NR2F1-AS1: variants seen among roughly 807,000 people sequenced by gnomAD.
NR2F1-AS1 encodes the protein NR2F1 regulatory antisense RNA 1, also known as NR2F1 antisense RNA 1.
At chr5:93,509,518 C>A (rs1293759699) in intron 4 of NR2F1-AS1, among the ~76,000 whole-genome samples, 1 of 151,858 alleles carries the variant, frequency 6.6e-6, no homozygotes, top group African/African-American at 2.4e-5. Context: ...TACATACAAT[C>A]AAATATATAA....
At chr5:93,490,410 CGGTGGT>C (rs1361796890) in intron 4 of NR2F1-AS1, among the ~76,000 whole-genome samples, 1 of 151,834 alleles carries the variant, frequency 6.6e-6, no homozygotes, top group Non-Finnish European at 1.5e-5. Flanking sequence ...GTGGTAATGA[CGGTGGT>C]GGTGGTGGTG....
At chr5:93,557,602 C>T (rs901382933) in intron 2 of NR2F1-AS1, among the ~76,000 whole-genome samples, 1 of 152,110 alleles carries the variant, frequency 6.6e-6, no homozygotes, top group African/African-American at 2.4e-5. Context: ...GAATGATCAT[C>T]TGAGCTTTCA....
chr5:93,469,957 T>A (rs1274922508), intron 4 of NR2F1-AS1, among the ~76,000 whole-genome samples: 1 of 152,054 alleles, frequency 6.6e-6, no homozygotes, highest in East Asian at 1.9e-4. Context: ...TAGTACAACA[T>A]ATTTATCAAA....
At chr5:93,464,192 T>A (rs1750167448) in intron 4 of NR2F1-AS1, among the ~76,000 whole-genome samples, 1 of 152,210 alleles carries the variant, frequency 6.6e-6, no homozygotes, top group African/African-American at 2.4e-5. Flanking sequence ...GTTCTCATGA[T>A]ACTGAATAAG....
chr5:93,414,251 T>G (rs1247375256), intron 4 of NR2F1-AS1, among the ~76,000 whole-genome samples: 1 of 152,202 alleles, frequency 6.6e-6, no homozygotes, highest in Non-Finnish European at 1.5e-5. Context: ...AACAATGTTT[T>G]TGTTAGCATG....
intron 4 of NR2F1-AS1, among the ~76,000 whole-genome samples, chr5:93,425,035 T>G (rs1749166068): frequency 6.6e-6 from 1 of 152,236 alleles, no homozygotes; most frequent in African/African-American, 2.4e-5. Flanking sequence ...TACATATAAA[T>G]TCTGTGTATC....
intron 4 of NR2F1-AS1, among the ~76,000 whole-genome samples, chr5:93,550,576 T>C (rs1392474330): frequency 1.3e-5 from 2 of 152,248 alleles, no homozygotes; most frequent in South Asian, 2.1e-4. Flanking sequence ...AGGCAGCCTA[T>C]AGAACTGATA....
intron 4 of NR2F1-AS1, among the ~76,000 whole-genome samples, chr5:93,428,945 A>T (rs1411296782): frequency 6.6e-6 from 1 of 152,184 alleles, no homozygotes; most frequent in African/African-American, 2.4e-5. Flanking sequence ...ATGTCCATTA[A>T]ATTGGAAGCC....
At chr5:93,513,326 A>G (rs765699076) in intron 4 of NR2F1-AS1, among the ~76,000 whole-genome samples, 2 of 152,182 alleles carry the variant, frequency 1.3e-5, no homozygotes, top group African/African-American at 2.4e-5. Context: ...TATATCCAGA[A>G]GAAAATAAAC....
At chr5:93,573,345 G>A (rs1035330656) in intron 1 of NR2F1-AS1, among the ~76,000 whole-genome samples, 1 of 152,186 alleles carries the variant, frequency 6.6e-6, no homozygotes, top group Non-Finnish European at 1.5e-5. Flanking sequence ...TATGGAATTA[G>A]GGAATTCGGG....
At chr5:93,451,158 T>A (rs1748839380) in intron 4 of NR2F1-AS1, among the ~76,000 whole-genome samples, 1 of 152,022 alleles carries the variant, frequency 6.6e-6, no homozygotes, top group Admixed American at 6.6e-5. Flanking sequence ...ACCCCAGGTA[T>A]TTTTAAAGTA....
chr5:93,448,550 A>G (rs759413549), intron 4 of NR2F1-AS1, among the ~76,000 whole-genome samples: 17 of 152,344 alleles, frequency 1.1e-4, no homozygotes, highest in Non-Finnish European at 2.1e-4. Context: ...CCAACTCTCT[A>G]TAACTACCTG....
At chr5:93,509,006 A>C (rs751632864) in intron 4 of NR2F1-AS1, among the ~76,000 whole-genome samples, 5 of 152,148 alleles carry the variant, frequency 3.3e-5, no homozygotes, top group Admixed American at 6.6e-5. Context: ...CACCCTAAAG[A>C]AACTTTTACA....
At chr5:93,481,308 A>T (rs1274294541) in intron 4 of NR2F1-AS1, among the ~76,000 whole-genome samples, 1 of 152,106 alleles carries the variant, frequency 6.6e-6, no homozygotes, top group African/African-American at 2.4e-5. Flanking sequence ...GGATCCATTC[A>T]TCAATATGAT....
intron 4 of NR2F1-AS1, among the ~76,000 whole-genome samples, chr5:93,439,561 T>TG (rs1410115673): frequency 4.6e-5 from 7 of 152,254 alleles, no homozygotes; most frequent in Non-Finnish European, 8.8e-5. Context: ...CCCAAAGTGC[T>TG]GGGATTACAG....
chr5:93,443,347 A>T (rs1191746424), intron 4 of NR2F1-AS1, among the ~76,000 whole-genome samples: 1 of 152,124 alleles, frequency 6.6e-6, no homozygotes, highest in Non-Finnish European at 1.5e-5. Context: ...CATAGAGAAG[A>T]CCCTAAATGA....
rs556157611 is a variant in NR2F1-AS1, at chr5:93,550,441, T to C, written n.638+3320A>G. Among the ~76,000 whole-genome samples, 274 of 152,348 alleles carry C rather than the reference T, an allele frequency of 1.8e-3. 1 individual carries two copies. The highest frequency in any genetic ancestry group is 3.5e-3 in the Non-Finnish European group (237 of 68,036). Reference sequence around the variant, plus strand: ...ATGGCCTCATTGCAAATTGGGTATTTAGGGAAAACTACATTTCCTTCCAAG... The same window carrying C: ...ATGGCCTCATTGCAAATTGGGTATTCAGGGAAAACTACATTTCCTTCCAAG... On this transcript the variant is annotated intron_variant and non_coding_transcript_variant, in intron 4 of 5. Coordinates refer to ENST00000660523, the Ensembl canonical transcript of NR2F1-AS1.
chr5:93,423,973 C>G (rs1055950286), intron 4 of NR2F1-AS1, among the ~76,000 whole-genome samples: 1 of 152,084 alleles, frequency 6.6e-6, no homozygotes, highest in African/African-American at 2.4e-5. Flanking sequence ...GATTGAGGAG[C>G]AGTATAGCAA....
chr5:93,557,596 G>C (rs1330661839), intron 2 of NR2F1-AS1, among the ~76,000 whole-genome samples: 2 of 152,104 alleles, frequency 1.3e-5, no homozygotes, highest in Admixed American at 1.3e-4. Context: ...AAATGTGAAT[G>C]ATCATCTGAG....
Sources: allele counts gnomAD v4.1 joint callset (sites outside exome capture counted in the v4.1 genomes callset), GRCh38; gene constraint gnomAD v4.1.1; transcripts MANE v1.5; gene names NCBI Gene and HGNC (gene_info 2026-07-23, HGNC 2026-07-21).